The following AKAP6 variants were observed in gnomAD, a reference collection of about 807,000 sequenced individuals.
AKAP6 encodes A-kinase anchor protein 6.
AKAP6 carries 58 observed loss-of-function variants against 188.5 expected under a neutral mutation model. That is an observed-to-expected ratio of 0.31 (90% CI 0.25 to 0.38). The LOEUF (loss-of-function observed/expected upper bound fraction) is 0.38. Among genes scored for constraint, AKAP6 ranks in the 10% least tolerant of loss-of-function variants. The pLI, the probability that AKAP6 is intolerant of heterozygous loss-of-function variation, is 1.00. For synonymous variants in AKAP6, 989 were observed against 998.6 expected, an observed-to-expected ratio of 0.99 and a Z score of 0.18; for missense variants, 2,710 against 2,740.0, an observed-to-expected ratio of 0.99 and a Z score of 0.24.
intron 7 of AKAP6, among the ~76,000 whole-genome samples, chr14:32,616,770 C>T (rs745383416): frequency 6.6e-6 from 1 of 152,128 alleles, no homozygotes; most frequent in Non-Finnish European, 1.5e-5. Context: ...AAATTAGCCT[C>T]TTTTTTCAAA....
intron 2 of AKAP6, among the ~76,000 whole-genome samples, chr14:32,463,755 T>C (rs1312965930): frequency 6.6e-6 from 1 of 151,988 alleles, no homozygotes; most frequent in African/African-American, 2.4e-5. Flanking sequence ...AGAGCAGAAC[T>C]GAAGGAGATA....
chr14:32,813,342 A>G (rs1461774368), intron 12 of AKAP6, among the ~76,000 whole-genome samples: 1 of 151,610 alleles, frequency 6.6e-6, no homozygotes, highest in African/African-American at 2.4e-5. Context: ...AAGTTCATCA[A>G]ATCTCTTTGT....
At chr14:32,752,609 C>G (rs79132155) in intron 11 of AKAP6, among the ~76,000 whole-genome samples, 3,164 of 152,248 alleles carry the variant, frequency 0.021, 51 homozygotes, top group South Asian at 0.039. Context: ...TCCATCACCT[C>G]ATATACTTGT....
At chr14:32,361,635 C>T (rs980008580) in intron 1 of AKAP6, among the ~76,000 whole-genome samples, 1 of 152,168 alleles carries the variant, frequency 6.6e-6, no homozygotes, top group Non-Finnish European at 1.5e-5. Flanking sequence ...GGGGATATTT[C>T]TACCTGCAGT....
At position 32,546,812 on chromosome 14, in the gene AKAP6, T is replaced by A. The variant is rs201656749; in HGVS notation, c.2159T>A (p.Ile720Asn). Reference protein sequence around the residue: ...ESIESGPLSDILSDEESSMPL... With the variant: ...ESIESGPLSDNLSDEESSMPL... ...ATTGAATCTGGGCCCCTGAGTGACA[T>A]TCTTTCTGATGAGGAGTCCAGTATG... Residue 720 changes from isoleucine to asparagine, a missense_variant, in exon 4 of 14, where the codon ATT becomes AAT. Physicochemically the swap from Ile to Asn is moderately radical, Grantham distance 149. Around this residue, in one of 2 missense-constraint regions of AKAP6, gnomAD observed 2,473 missense variants for 2,426.1 expected, o/e 1.02. Coordinates refer to ENST00000280979, the MANE Select transcript of AKAP6 (RefSeq NM_004274.5). 6.2e-7 allele frequency: 1 copy of A among 1,614,104 alleles called. No individual in the cohort carries two copies. Among genetic ancestry groups the A allele is most frequent in the Admixed American group, 1.7e-5 (1 of 60,024 alleles).
At chr14:32,587,907 A>G (rs1237393367) in intron 5 of AKAP6, among the ~76,000 whole-genome samples, 1 of 152,182 alleles carries the variant, frequency 6.6e-6, no homozygotes, top group South Asian at 2.1e-4. Context: ...TAGTATTTAC[A>G]TGGAAAAGAA....
intron 11 of AKAP6, among the ~76,000 whole-genome samples, chr14:32,761,385 A>G (rs547833179): frequency 1.3e-4 from 20 of 152,284 alleles, no homozygotes; most frequent in African/African-American, 4.6e-4. Flanking sequence ...TTTATACTTC[A>G]AGTAACAGTC....
chr14:32,390,174 G>A (rs2138581192), intron 1 of AKAP6, among the ~76,000 whole-genome samples: 1 of 152,202 alleles, frequency 6.6e-6, no homozygotes, highest in Non-Finnish European at 1.5e-5. Context: ...ATTTCTAGAA[G>A]TGTGTCCATT....
At chr14:32,486,937 G>A (rs1879727000) in intron 2 of AKAP6, among the ~76,000 whole-genome samples, 1 of 152,202 alleles carries the variant, frequency 6.6e-6, no homozygotes, top group Non-Finnish European at 1.5e-5. Flanking sequence ...CATTCGGTAT[G>A]ATATTGGCTG....
At chr14:32,758,089 A>C (rs1372065294) in intron 11 of AKAP6, among the ~76,000 whole-genome samples, 1 of 152,186 alleles carries the variant, frequency 6.6e-6, no homozygotes, top group African/African-American at 2.4e-5. Context: ...TTTGTTTTGC[A>C]TGCCCTTTAT....
rs1890288833 is a variant in AKAP6, at chr14:32,433,607, G to A, written c.114G>A (p.Glu38=). 1 of 1,614,150 alleles carries A rather than the reference G, an allele frequency of 6.2e-7. No individual in the cohort carries two copies. Among genetic ancestry groups the A allele is most frequent in the Non-Finnish European group, 8.5e-7 (1 of 1,180,028 alleles). ...INMTPTVEQG[E]GEEAMKDMDS... The stretch of plus-strand genomic sequence containing the variant: ...TGACACCCACTGTGGAGCAGGGTGA[G>A]GGAGAAGAGGCAATGAAGGACATGG... The change falls in exon 2 of 14, where the codon GAG becomes GAA. Residue 38 remains glutamate (E), a synonymous_variant. Transcript: ENST00000280979.
chr14:32,678,465 G>A lies in AKAP6; in HGVS notation c.2879+6G>A. 1 of 1,613,584 alleles carries A rather than the reference G, an allele frequency of 6.2e-7. No individual in the cohort carries two copies. Among genetic ancestry groups the A allele is most frequent in the South Asian group, 1.1e-5 (1 of 91,032 alleles). The stretch of plus-strand genomic sequence containing the variant: ...CATTCAGTGGGAAGCAATGGGTAGG[G>A]AACTATTCTTTTTGTTGTTTTATTC... On this transcript the variant is annotated splice_donor_region_variant and intron_variant, in intron 8 of 13. Coordinates refer to ENST00000280979, the MANE Select transcript of AKAP6 (RefSeq NM_004274.5).
intron 1 of AKAP6, chr14:32,403,521 T>C (rs1889167867): frequency 6.6e-6 from 1 of 152,210 alleles, no homozygotes; most frequent in Non-Finnish European, 1.5e-5. Flanking sequence ...TCATGGTAGT[T>C]AGATGTATGT....
At chr14:32,668,622 A>C (rs1889049803) in intron 7 of AKAP6, among the ~76,000 whole-genome samples, 2 of 152,166 alleles carry the variant, frequency 1.3e-5, no homozygotes, top group African/African-American at 4.8e-5. Flanking sequence ...TTTTTAAAGT[A>C]ATGTATTATT....
intron 1 of AKAP6, among the ~76,000 whole-genome samples, chr14:32,393,020 A>C (rs1471998843): frequency 6.6e-6 from 1 of 152,086 alleles, no homozygotes. Flanking sequence ...AAATACTATA[A>C]TAATAATAGT....
intron 2 of AKAP6, among the ~76,000 whole-genome samples, chr14:32,460,957 T>C (rs1030292763): frequency 6.6e-6 from 1 of 152,210 alleles, no homozygotes; most frequent in Admixed American, 6.5e-5. Context: ...CTGGGAGGTC[T>C]GGACTGGGCG....
chr14:32,345,868 G>C (rs546727104), intron 1 of AKAP6, among the ~76,000 whole-genome samples: 1 of 152,230 alleles, frequency 6.6e-6, no homozygotes, highest in Admixed American at 6.5e-5. Context: ...GAGGGAGAAA[G>C]GCATATTTCC....
At chr14:32,799,179 A>G (rs1594957399) in intron 12 of AKAP6, among the ~76,000 whole-genome samples, 1 of 152,228 alleles carries the variant, frequency 6.6e-6, no homozygotes. Flanking sequence ...GACTTCATTT[A>G]TCCTTGCTCT....
chr14:32,444,959 T>C (rs1890711668), intron 2 of AKAP6, among the ~76,000 whole-genome samples: 1 of 152,228 alleles, frequency 6.6e-6, no homozygotes, highest in Non-Finnish European at 1.5e-5. Context: ...TAATACCACA[T>C]AGGAGACTAC....
Sources: allele counts gnomAD v4.1 joint callset (sites outside exome capture counted in the v4.1 genomes callset), GRCh38; gene constraint gnomAD v4.1.1; regional missense constraint gnomAD v4.1.1; transcripts MANE v1.5; gene names NCBI Gene and HGNC (gene_info 2026-07-23, HGNC 2026-07-21).